Variants in KCNJ6 observed in about 807,000 individuals in gnomAD.
KCNJ6 encodes the protein potassium inwardly rectifying channel subfamily J member 6.
KCNJ6 carries 9 observed loss-of-function variants against 34.2 expected under a neutral mutation model. The ratio of observed to expected loss-of-function variants is 0.26; its 90% CI spans 0.16 to 0.46. The LOEUF (loss-of-function observed/expected upper bound fraction) is 0.46. Among genes scored for constraint, KCNJ6 ranks in the 20% least tolerant of loss-of-function variants. The pLI is 1.00. For missense variants in KCNJ6, 236 were observed against 531.3 expected, an observed-to-expected ratio of 0.44 and a Z score of 5.46; for synonymous variants, 196 against 207.1, an observed-to-expected ratio of 0.95 and a Z score of 0.46.
intron 2 of KCNJ6, among the ~76,000 whole-genome samples, chr21:37,737,175 GAGA>G (rs1262867135): frequency 1.3e-5 from 2 of 152,158 alleles, no homozygotes; most frequent in Non-Finnish European, 2.9e-5. Flanking sequence ...CCGATGGCAA[GAGA>G]AGACCTGTTT....
At chr21:37,680,326 C>T (rs2054585105) in intron 3 of KCNJ6, among the ~76,000 whole-genome samples, 1 of 152,188 alleles carries the variant, frequency 6.6e-6, no homozygotes, top group Non-Finnish European at 1.5e-5. Context: ...CCCCAGCCCT[C>T]CCTGAGACTG....
At chr21:37,710,893 T>C (rs1251613492) in intron 3 of KCNJ6, among the ~76,000 whole-genome samples, 3 of 152,148 alleles carry the variant, frequency 2.0e-5, no homozygotes, top group Non-Finnish European at 4.4e-5. Context: ...AACTCCTAGA[T>C]GTCTGAGTGG....
Position 37,614,083 on chromosome 21 carries a change from A to G in KCNJ6, c.*11076T>C, listed in dbSNP as rs2054252397. 6.6e-6 allele frequency: 1 copy of G among 152,082 alleles called. No homozygotes were observed. The highest frequency in any genetic ancestry group is 2.4e-5 in the African/African-American group (1 of 41,402). The allele number at this position is 152,082 out of a possible 1,614,324, so 9.4% of individuals were successfully genotyped here. On this transcript the variant is annotated 3_prime_UTR_variant, in exon 4 of 4. Coordinates refer to ENST00000609713, the MANE Select transcript of KCNJ6 (RefSeq NM_002240.5). ...GCTGCTCTAAAAAATAAAATTTATC[A>G]AGTTTTTAAAAAAGGGGTGGAGGAA...
chr21:37,838,227 A>G (rs1201328507), intron 2 of KCNJ6, among the ~76,000 whole-genome samples: 2 of 152,256 alleles, frequency 1.3e-5, no homozygotes, highest in Admixed American at 1.3e-4. Flanking sequence ...TGTTCAGCCA[A>G]ACCTGAAACC....
chr21:37,648,948 A>G (rs796467920), intron 3 of KCNJ6, among the ~76,000 whole-genome samples: 12 of 152,178 alleles, frequency 7.9e-5, no homozygotes, highest in African/African-American at 2.9e-4. Flanking sequence ...CCTGGCCAAC[A>G]TGGTGAAACC....
intron 1 of KCNJ6, among the ~76,000 whole-genome samples, chr21:37,840,937 T>G (rs1372095914): frequency 1.3e-5 from 2 of 152,206 alleles, no homozygotes; most frequent in African/African-American, 4.8e-5. Context: ...GAAATGAGCA[T>G]CTGTCACACT....
intron 3 of KCNJ6, among the ~76,000 whole-genome samples, chr21:37,656,530 G>A (rs988365903): frequency 6.6e-6 from 1 of 152,164 alleles, no homozygotes; most frequent in African/African-American, 2.4e-5. Flanking sequence ...GAGGTGGGCC[G>A]CATAGCAGCC....
intron 3 of KCNJ6, among the ~76,000 whole-genome samples, chr21:37,713,001 T>C (rs144274046): frequency 6.6e-6 from 1 of 152,144 alleles, no homozygotes; most frequent in African/African-American, 2.4e-5. Flanking sequence ...TTGAGCTCCA[T>C]GCAAAGCCCT....
chr21:37,750,057 G>A (rs976848745), intron 2 of KCNJ6, among the ~76,000 whole-genome samples: 2 of 152,178 alleles, frequency 1.3e-5, no homozygotes, highest in African/African-American at 4.8e-5. Context: ...AATGCTTGCT[G>A]CTTTTTTGGT....
intron 1 of KCNJ6, among the ~76,000 whole-genome samples, chr21:37,903,741 AAC>A (rs1204141829): frequency 1.0e-4 from 15 of 145,502 alleles, no homozygotes; most frequent in South Asian, 6.8e-4. Context: ...AACAAAACAA[AAC>A]AAAAAAAAAC....
chr21:37,883,210 T>C (rs907761553), intron 1 of KCNJ6, among the ~76,000 whole-genome samples: 2 of 152,214 alleles, frequency 1.3e-5, no homozygotes, highest in Non-Finnish European at 2.9e-5. Context: ...TGCCCCAGAA[T>C]CTAGGAGTTG....
chr21:37,764,628 C>T (rs979408290), intron 2 of KCNJ6, among the ~76,000 whole-genome samples: 2 of 152,206 alleles, frequency 1.3e-5, no homozygotes, highest in African/African-American at 4.8e-5. Context: ...ATCCACCCAC[C>T]TCAGCCTCCC....
chr21:37,626,956 C>T (rs576357358), intron 3 of KCNJ6, among the ~76,000 whole-genome samples: 1 of 151,998 alleles, frequency 6.6e-6, no homozygotes, highest in Non-Finnish European at 1.5e-5. Context: ...ATACTGTGGC[C>T]CTGTGTCCAT....
rs377437198 is a variant in KCNJ6, at chr21:37,750,577, A to G, written c.26-35446T>C. On this transcript the variant is annotated intron_variant, in intron 2 of 3. Coordinates refer to ENST00000609713, the MANE Select transcript of KCNJ6 (RefSeq NM_002240.5). ...AAAAGGATAAGTTCATGTCCTTTGC[A>G]GGGACATGGATGAAGTTGGAAACCA... is the stretch of plus-strand genomic sequence containing the variant. Among the ~76,000 whole-genome samples the G allele has an allele frequency of 2.1e-3, 319 of 152,342 alleles. 2 individuals carry two copies. Among genetic ancestry groups the G allele is most frequent in the African/African-American group, 7.4e-3 (306 of 41,572 alleles).
intron 3 of KCNJ6, among the ~76,000 whole-genome samples, chr21:37,662,464 G>C (rs2673015): frequency 0.16 from 24,913 of 152,132 alleles, 2,299 homozygotes; most frequent in East Asian, 0.38. Context: ...TGGCTGTATA[G>C]TATTCCATGG....
chr21:37,778,949 C>T (rs968671338), intron 2 of KCNJ6, among the ~76,000 whole-genome samples: 1 of 151,996 alleles, frequency 6.6e-6, no homozygotes. Context: ...ATCACATGCT[C>T]GGAATGCACG....
At chr21:37,679,317 G>A (rs1003123689) in intron 3 of KCNJ6, among the ~76,000 whole-genome samples, 1 of 152,166 alleles carries the variant, frequency 6.6e-6, no homozygotes, top group Non-Finnish European at 1.5e-5. Flanking sequence ...ACTAAGTTTT[G>A]GGGTAAATTG....
At chr21:37,829,283 G>T (rs561773589) in intron 2 of KCNJ6, among the ~76,000 whole-genome samples, 1 of 152,186 alleles carries the variant, frequency 6.6e-6, no homozygotes, top group Non-Finnish European at 1.5e-5. Context: ...GTGGGAGGCG[G>T]GGAAGGCGAG....
rs1488021143 is a variant in KCNJ6, at chr21:37,622,358, T to C, written c.*2801A>G. On this transcript the variant is annotated 3_prime_UTR_variant, in exon 4 of 4. Coordinates refer to ENST00000609713, the MANE Select transcript of KCNJ6 (RefSeq NM_002240.5). ...TGAGTGGAAATTGTGGGGTCAATTTTGTTGAGCTGTCTTAATGGAAAACAC... is the reference window on the plus strand; with the variant it reads ...TGAGTGGAAATTGTGGGGTCAATTTCGTTGAGCTGTCTTAATGGAAAACAC... The C allele has an allele frequency of 6.6e-6, 1 of 152,210 alleles. No homozygotes were observed. Among genetic ancestry groups the C allele is most frequent in the Non-Finnish European group, 1.5e-5 (1 of 68,032 alleles). The allele number at this position is 152,210 out of a possible 1,614,324, so 9.4% of individuals were successfully genotyped here.
Sources: gnomAD v4.1 joint callset for allele counts (sites outside exome capture counted in the v4.1 genomes callset) on GRCh38, gnomAD v4.1.1 for gene constraint, MANE v1.5 for transcripts, NCBI Gene and HGNC (gene_info 2026-07-23, HGNC 2026-07-21) for gene names.